Variants in KALRN observed in about 807,000 individuals in gnomAD.
The protein encoded by KALRN is kalirin.
Under a neutral mutation model 353.7 loss-of-function variants are expected in KALRN, and 70 were observed. That is an observed-to-expected ratio of 0.20 (90% confidence interval 0.16 to 0.24). KALRN has a LOEUF of 0.24. Ranked by LOEUF, KALRN falls within the 10% of genes least tolerant of loss-of-function variation. The probability of loss-of-function intolerance (pLI) is 1.00; values close to 1 mark genes in which losing one functional copy is unlikely to be tolerated. For missense variants in KALRN, 2,791 were observed against 3,756.7 expected (o/e 0.74, Z 6.72); for synonymous variants, 1,391 against 1,434.8 (o/e 0.97, Z 0.69).
intron 1 of KALRN, among the ~76,000 whole-genome samples, chr3:124,189,905 C>T (rs1046776452): frequency 1.4e-4 from 20 of 148,108 alleles, no homozygotes; most frequent in African/African-American, 3.8e-4. Flanking sequence ...CGCCACTGCA[C>T]TCCAGCCTGG....
intron 4 of KALRN, among the ~76,000 whole-genome samples, chr3:124,267,516 G>A (rs563060546): frequency 9.8e-5 from 15 of 152,338 alleles, no homozygotes; most frequent in African/African-American, 3.6e-4. Flanking sequence ...ACCTACTGAT[G>A]TCCAAGCTCC....
At chr3:124,693,734 C>A in intron 51 of KALRN, 70 bp from the exon 52 acceptor site, 1 of 1,032,604 alleles carries the variant, frequency 9.7e-7, no homozygotes, top group Non-Finnish European at 1.4e-6. Flanking sequence ...TTACTCAATA[C>A]GGTGAAGTCC....
chr3:124,085,064 C>T (rs2060737759), intron 1 of KALRN, among the ~76,000 whole-genome samples: 1 of 152,214 alleles, frequency 6.6e-6, no homozygotes, highest in South Asian at 2.1e-4. Context: ...CCACCTTCAG[C>T]TTCCCCCACC....
At chr3:124,529,371 G>A (rs1028305792) in intron 33 of KALRN, among the ~76,000 whole-genome samples, 2 of 152,164 alleles carry the variant, frequency 1.3e-5, no homozygotes, top group African/African-American at 4.8e-5. Flanking sequence ...CCAGAATGAT[G>A]TTATACTTGG....
intron 1 of KALRN, among the ~76,000 whole-genome samples, chr3:124,129,595 A>C (rs994418055): frequency 6.6e-6 from 1 of 152,172 alleles, no homozygotes; most frequent in Non-Finnish European, 1.5e-5. Context: ...GAGGCAAGGG[A>C]GAAGGAAGTT....
At chr3:124,140,796 G>GC (rs1298133687) in intron 1 of KALRN, among the ~76,000 whole-genome samples, 1 of 151,742 alleles carries the variant, frequency 6.6e-6, no homozygotes, top group African/African-American at 2.4e-5. Context: ...TGCCCTCCCG[G>GC]GGGGGGCACA....
At chr3:124,664,179 T>C (rs2085253758) in intron 45 of KALRN, among the ~76,000 whole-genome samples, 1 of 152,064 alleles carries the variant, frequency 6.6e-6, no homozygotes, top group Non-Finnish European at 1.5e-5. Flanking sequence ...AAGAGATCCC[T>C]TTTGCTCTTC....
intron 10 of KALRN, among the ~76,000 whole-genome samples, chr3:124,379,867 C>G (rs78243875): frequency 6.6e-6 from 1 of 152,150 alleles, no homozygotes; most frequent in Middle Eastern, 3.2e-3. Context: ...TGGGTGTTAT[C>G]TTGATTGCTG....
intron 37 of KALRN, 34 bp downstream of exon 37, chr3:124,637,337 G>T: frequency 3.4e-6 from 5 of 1,457,002 alleles, no homozygotes; most frequent in Middle Eastern, 1.8e-4. Context: ...TTCTGTGTGT[G>T]TCTCACCTTC....
At chr3:124,664,843 C>A (rs1417267440) in intron 45 of KALRN, among the ~76,000 whole-genome samples, 1 of 152,230 alleles carries the variant, frequency 6.6e-6, no homozygotes, top group Non-Finnish European at 1.5e-5. Context: ...TGGCTTTGGG[C>A]TTGAGAGAAG....
chr3:124,108,249 T>A (rs2062502803), intron 1 of KALRN, among the ~76,000 whole-genome samples: 1 of 152,172 alleles, frequency 6.6e-6, no homozygotes, highest in Non-Finnish European at 1.5e-5. Flanking sequence ...GGTACTCTGC[T>A]TGGCTCCTTA....
In KALRN at chr3:124,495,965, G is replaced by GTGTA. The variant is rs1239001137; in HGVS notation, c.4833-345_4833-344insGTAT. Among the ~76,000 whole-genome samples the GTGTA allele has an allele frequency of 1.5e-3, 63 of 41,468 alleles. 3 individuals are homozygous for GTGTA. Among genetic ancestry groups the GTGTA allele is most frequent in the East Asian group, 2.3e-3 (2 of 856 alleles). The allele number at this position is 41,468 out of a possible 152,430, so 27.2% of individuals were successfully genotyped here. A position where few individuals can be genotyped will look rare whatever the true frequency, so the allele number is the denominator to read the frequency against. ...CCCAAGTGTGTGTATGTGTATGTAT[G>GTGTA]TATATATATATATATATATATATAT... On this transcript the variant is annotated intron_variant, in intron 32 of 59. Transcript: ENST00000682506.
chr3:124,456,398 A>G (rs1016755874), intron 22 of KALRN, among the ~76,000 whole-genome samples: 2 of 151,978 alleles, frequency 1.3e-5, no homozygotes, highest in Non-Finnish European at 2.9e-5. Context: ...TACCCTAAAC[A>G]TTTGACCTGA....
chr3:124,272,611 G>A (rs1033050904), intron 5 of KALRN, among the ~76,000 whole-genome samples: 2 of 152,046 alleles, frequency 1.3e-5, no homozygotes, highest in African/African-American at 4.8e-5. Context: ...GGGGTGGGGA[G>A]AGAGGGAGAG....
At chr3:124,598,952 A>C (rs867801198) in intron 34 of KALRN, among the ~76,000 whole-genome samples, 1 of 151,914 alleles carries the variant, frequency 6.6e-6, no homozygotes, top group Non-Finnish European at 1.5e-5. Context: ...CTGGGATTAC[A>C]GGTGTAGCCA....
rs762024982 is a variant in KALRN, at chr3:124,563,106, G to T, written c.5182+17G>T. 2.9e-6 allele frequency: 4 copies of T among 1,363,258 alleles called. No individual in the cohort carries two copies. The highest frequency in any genetic ancestry group is 1.5e-5 in the African/African-American group (1 of 67,678). 84.4% of individuals were successfully genotyped at this position (1,363,258 alleles called of 1,614,324 possible). On this transcript the variant is annotated intron_variant, in intron 34 of 59. Transcript: ENST00000682506. ...TGGTGAAAGGTAGGAGAACAGAGCG[G>T]GTGGGAGGCACAGACCAAGGAGGCC...
intron 1 of KALRN, among the ~76,000 whole-genome samples, chr3:124,138,233 T>C (rs950903691): frequency 7.9e-5 from 12 of 152,246 alleles, no homozygotes; most frequent in Middle Eastern, 6.8e-3. Context: ...CAAAATCCTC[T>C]CTCCCTGCTG....
chr3:124,532,574 G>A (rs1387482330), intron 33 of KALRN, among the ~76,000 whole-genome samples: 5 of 152,154 alleles, frequency 3.3e-5, no homozygotes, highest in Non-Finnish European at 5.9e-5. Context: ...GGGAGGCTGA[G>A]GTGGGCGGAT....
chr3:124,664,692 A>C (rs1192746156), intron 45 of KALRN, among the ~76,000 whole-genome samples: 1 of 152,212 alleles, frequency 6.6e-6, no homozygotes, highest in South Asian at 2.1e-4. Context: ...TACAGGCGTG[A>C]GCCACTGCAC....
Sources: gnomAD v4.1 joint callset for allele counts (sites outside exome capture counted in the v4.1 genomes callset) on GRCh38, gnomAD v4.1.1 for gene constraint, MANE v1.5 for transcripts, NCBI Gene and HGNC (gene_info 2026-07-23, HGNC 2026-07-21) for gene names.